FGFR3: variants seen among roughly 807,000 people sequenced by gnomAD.
The protein encoded by FGFR3 is FGFR-3.
In FGFR3, 25 loss-of-function variants were observed where a neutral mutation model predicts 82.9. The ratio of observed to expected loss-of-function variants is 0.30; its 90% CI spans 0.22 to 0.42. The LOEUF (loss-of-function observed/expected upper bound fraction) is 0.42, where lower values mean the gene tolerates loss of function less well. Among genes scored for constraint, FGFR3 ranks in the 10% least tolerant of loss-of-function variants. The pLI is 1.00. For missense variants in FGFR3, 1,026 were observed against 1,161.0 expected (o/e 0.88, Z 1.69); for synonymous variants, 620 against 516.0 (o/e 1.20, Z -2.73).
At position 1,804,427 on chromosome 4, in the gene FGFR3, G is replaced by C. The variant is rs148157107; in HGVS notation, c.1173G>C (p.Ala391=). The C allele has an allele frequency of 1.2e-6, 2 of 1,612,880 alleles. No homozygotes were observed. The highest frequency in any genetic ancestry group is 2.2e-5 in the South Asian group (2 of 91,010). ...VGFFLFILVV[A]AVTLCRLRSP... is the part of the protein sequence containing the mutation. The stretch of plus-strand genomic sequence containing the variant: ...TCTTCCTGTTCATCCTGGTGGTGGC[G>C]GCTGTGACGCTCTGCCGCCTGCGCA... The change falls in exon 9 of 18, where the codon GCG becomes GCC. Residue 391 remains alanine (A), a synonymous_variant. Coordinates refer to ENST00000440486, the MANE Select transcript of FGFR3 (RefSeq NM_000142.5).
chr4:1,801,321 C>T (rs1038710148), intron 4 of FGFR3, 46 bp from the exon 5 acceptor site: 4 of 1,538,026 alleles, frequency 2.6e-6, no homozygotes, highest in Non-Finnish European at 3.5e-6. Flanking sequence ...AGAGGGGCCT[C>T]TGCTCCCACT....
Position 1,807,105 on chromosome 4 carries a change from C to A in FGFR3, c.2275-11C>A. The A allele has an allele frequency of 6.4e-7, 1 of 1,571,424 alleles. No individual in the cohort carries two copies. Among genetic ancestry groups the A allele is most frequent in the East Asian group, 2.4e-5 (1 of 42,350 alleles). ...CGGTGGCACAGCGCTCACCCCGCCT[C>A]CCGCCAGCAGGAGTACCTGGACCTG... On this transcript the variant is annotated splice_polypyrimidine_tract_variant and intron_variant, in intron 17 of 17. Transcript: ENST00000440486.
intron 2 of FGFR3, among the ~76,000 whole-genome samples, chr4:1,797,793 G>A: frequency 6.6e-6 from 1 of 152,220 alleles, no homozygotes; most frequent in East Asian, 1.9e-4. Flanking sequence ...GGATGCTTCA[G>A]GGGATGAGTG....
rs1466855363 is a variant in FGFR3, at chr4:1,804,883, G to C, written c.1326G>C (p.Arg442Ser). The C allele has an allele frequency of 1.3e-6, 2 of 1,550,162 alleles. No individual in the cohort carries two copies. The highest frequency in any genetic ancestry group is 1.7e-6 in the Non-Finnish European group (2 of 1,146,942). ...SSNTPLVRIA[R>S]LSSGEGPTLA... Reference sequence around the variant, plus strand: ...ACACACCACTGGTGCGCATCGCAAGGCTGTCCTCAGGGGAGGGCCCCACGC... The same window carrying C: ...ACACACCACTGGTGCGCATCGCAAGCCTGTCCTCAGGGGAGGGCCCCACGC... The change falls in exon 10 of 18, where the codon AGG becomes AGC. Residue 442 changes from arginine (R) to serine (S), a missense_variant. Arg to Ser is a moderately radical substitution (Grantham distance 110). This residue lies in a region of FGFR3 where 256 missense variants were observed against 217.6 expected (regional missense o/e 1.18). Transcript: ENST00000440486.
intron 2 of FGFR3, among the ~76,000 whole-genome samples, 164 bp from the exon 3 acceptor site, chr4:1,799,090 C>T (rs549076742): frequency 4.6e-5 from 7 of 152,266 alleles, no homozygotes; most frequent in Non-Finnish European, 8.8e-5. Flanking sequence ...AAGATAGAGA[C>T]CTTTGGCCCT....
chr4:1,803,608 C>T (rs765367268), intron 7 of FGFR3, 84 bp from the exon 8 acceptor site: 107 of 1,550,982 alleles, frequency 6.9e-5, no homozygotes, highest in East Asian at 7.1e-5. Flanking sequence ...TTCCTTGCAG[C>T]GGCTGGATCC....
chr4:1,805,832 C>A lies in FGFR3; in HGVS notation c.1728C>A (p.Asp576Glu), dbSNP rs996231302. 1 of 1,612,536 alleles carries A rather than the reference C, an allele frequency of 6.2e-7. No individual in the cohort carries two copies. The change falls in exon 13 of 18, where the codon GAC becomes GAA. Residue 576 changes from aspartate to glutamate, a missense_variant. Asp to Glu is a conservative substitution (Grantham distance 45). Coordinates refer to ENST00000440486, the MANE Select transcript of FGFR3 (RefSeq NM_000142.5). The part of the protein sequence containing the change: ...FLRARRPPGL[D>E]YSFDTCKPPE... ...GGGCGCGGCGGCCCCCGGGCCTGGA[C>A]TACTCCTTCGACACCTGCAAGCCGC...
chr4:1,806,665 C>T lies in FGFR3; in HGVS notation c.2150C>T (p.Ala717Val), dbSNP rs749192018. The T allele has an allele frequency of 1.9e-6, 3 of 1,612,864 alleles. No individual in the cohort carries two copies. In the East Asian group the frequency reaches 6.7e-5, roughly 36 times the overall value. ...GAGGGCCACCGCATGGACAAGCCCG[C>T]CAACTGCACACACGACCTGTGAGTG... ...LKEGHRMDKP[A>V]NCTHDLYMIM... is the part of the protein sequence containing the mutation. The change falls in exon 16 of 18, where the codon GCC (alanine) becomes GTC (valine). Residue 717 changes from alanine (A) to valine (V), a missense_variant. Around this residue, in one of 9 missense-constraint regions of FGFR3, gnomAD observed 155 missense variants for 150.2 expected, o/e 1.03. Transcript: ENST00000440486.
intron 4 of FGFR3, among the ~76,000 whole-genome samples, chr4:1,801,038 G>A (rs1357263832): frequency 6.6e-6 from 1 of 152,186 alleles, no homozygotes; most frequent in East Asian, 1.9e-4. Context: ...CTGCCCCCTG[G>A]GTCTTCAGTC....
intron 8 of FGFR3, 40 bp downstream of exon 8, chr4:1,803,876 G>T (rs766074555): frequency 1.2e-6 from 2 of 1,600,722 alleles, no homozygotes; most frequent in South Asian, 1.1e-5. Context: ...GCACTGTCTG[G>T]GGGACGCTGG....
rs1012535830 is a variant in FGFR3 at position 1,806,445 on chromosome 4, T to C, written c.2031-101T>C. ...AGCTCCTGGGTGTGGTTTCTACCCCTCCCTGGGGGCAGCAGCGCAGCCCTG... is the reference window on the plus strand; with the variant it reads ...AGCTCCTGGGTGTGGTTTCTACCCCCCCCTGGGGGCAGCAGCGCAGCCCTG... On this transcript the variant is annotated intron_variant, in intron 15 of 17. Coordinates refer to ENST00000440486, the MANE Select transcript of FGFR3 (RefSeq NM_000142.5). The C allele has an allele frequency of 7.5e-6, 12 of 1,604,014 alleles. No individual in the cohort carries two copies. The African/African-American group carries it at 1.3e-4, about 18-fold the overall frequency.
chr4:1,806,564 G>T lies in FGFR3; in HGVS notation c.2049G>T (p.Leu683=), dbSNP rs371884239. The T allele has an allele frequency of 6.2e-7, 1 of 1,613,082 alleles. No homozygotes were observed. Among genetic ancestry groups the T allele is most frequent in the Non-Finnish European group, 8.5e-7 (1 of 1,179,954 alleles). The change falls in exon 16 of 18, where the codon CTG becomes CTT. Residue 683 remains leucine, a synonymous_variant. Coordinates refer to ENST00000440486, the MANE Select transcript of FGFR3 (RefSeq NM_000142.5). ...HQSDVWSFGV[L]LWEIFTLGGS... ...CCTGCAGCTGGTCCTTTGGGGTCCTGCTCTGGGAGATCTTCACGCTGGGGG... is the reference window on the plus strand; with the variant it reads ...CCTGCAGCTGGTCCTTTGGGGTCCTTCTCTGGGAGATCTTCACGCTGGGGG...
intron 2 of FGFR3, among the ~76,000 whole-genome samples, chr4:1,798,928 A>G (rs1720853770): frequency 6.6e-6 from 1 of 152,188 alleles, no homozygotes; most frequent in South Asian, 2.1e-4. Flanking sequence ...GAAGAGTCAC[A>G]TTTTGTGACA....
intron 17 of FGFR3, 41 bp downstream of exon 17, chr4:1,806,975 C>T (rs1165832937): frequency 5.1e-6 from 8 of 1,571,032 alleles, no homozygotes; most frequent in Non-Finnish European, 6.9e-6. Context: ...GCCTATGCCC[C>T]TCCCCCTGCC....
chr4:1,799,241 A>G lies in FGFR3; in HGVS notation c.110-13A>G, dbSNP rs1316013046. On this transcript the variant is annotated splice_polypyrimidine_tract_variant and intron_variant, in intron 2 of 17. Coordinates refer to ENST00000440486, the MANE Select transcript of FGFR3 (RefSeq NM_000142.5). Reference sequence around the variant, plus strand: ...GGGGGTGCCTGCCTCATGGTTGCCCATCTTCCCCACAGAAGTCCCGGGCCC... The same window carrying G: ...GGGGGTGCCTGCCTCATGGTTGCCCGTCTTCCCCACAGAAGTCCCGGGCCC... The G allele has an allele frequency of 4.3e-6, 7 of 1,612,012 alleles. No homozygotes were observed. The Admixed American group carries it at 1.0e-4, about 23-fold the overall frequency.
rs770698556 is a variant in FGFR3 at position 1,806,504 on chromosome 4, C to G, written c.2031-42C>G. The stretch of plus-strand genomic sequence containing the variant: ...CCCTGGTGCCCGCCCAGGTGTCTGT[C>G]CTGGGAGTCTCAGGACAGCCTGACC... On this transcript the variant is annotated intron_variant, in intron 15 of 17. Transcript: ENST00000440486. 17 of 1,612,686 alleles carry G rather than the reference C, an allele frequency of 1.1e-5. No homozygotes were observed. The East Asian group carries it at 3.1e-4, about 30-fold the overall frequency.
chr4:1,805,535 A>G (rs774696141), intron 11 of FGFR3, 24 bp from the exon 12 acceptor site: 4 of 1,612,504 alleles, frequency 2.5e-6, no homozygotes, highest in East Asian at 2.2e-5. Context: ...GCCGCCTGAC[A>G]CAGGCCCCCC....
Position 1,807,153 on chromosome 4 carries a change from C to G in FGFR3, c.2312C>G (p.Ser771Cys), listed in dbSNP as rs755526507. 2.5e-6 allele frequency: 4 copies of G among 1,598,802 alleles called. No individual in the cohort carries two copies. In the Middle Eastern group the frequency reaches 5.0e-4, roughly 198 times the overall value. Residue 771 changes from serine to cysteine, a missense_variant, in exon 18 of 18, where the codon TCC (serine) becomes TGC (cysteine). Coordinates refer to ENST00000440486, the MANE Select transcript of FGFR3 (RefSeq NM_000142.5). Reference protein sequence around the residue: ...LDLSAPFEQYSPGGQDTPSSS... With the variant: ...LDLSAPFEQYCPGGQDTPSSS... ...CTGTCGGCGCCTTTCGAGCAGTACT[C>G]CCCGGGTGGCCAGGACACCCCCAGC...
At chr4:1,795,034 G>A (rs1011542495) in intron 2 of FGFR3, among the ~76,000 whole-genome samples, 1 of 151,696 alleles carries the variant, frequency 6.6e-6, no homozygotes, top group Non-Finnish European at 1.5e-5. Flanking sequence ...GCGCCTGGAG[G>A]GCCGAGGCAG....
Sources: allele counts gnomAD v4.1 joint callset (sites outside exome capture counted in the v4.1 genomes callset), GRCh38; gene constraint gnomAD v4.1.1; regional missense constraint gnomAD v4.1.1; transcripts MANE v1.5; gene names NCBI Gene and HGNC (gene_info 2026-07-23, HGNC 2026-07-21).